Variants in GPC5 observed in about 807,000 individuals in gnomAD.
GPC5 encodes glypican-5.
A neutral mutation model predicts 53.9 loss-of-function variants in GPC5; 47 were observed. The ratio of observed to expected loss-of-function variants is 0.87; its 90% CI spans 0.69 to 1.11. The LOEUF (loss-of-function observed/expected upper bound fraction) is 1.11, where lower values mean the gene tolerates loss of function less well. GPC5 is among the 50% of genes most tolerant of loss of function. The probability of loss-of-function intolerance (pLI) is 0.00; values close to 1 mark genes in which losing one functional copy is unlikely to be tolerated. For missense variants in GPC5, 748 were observed against 713.1 expected (o/e 1.05, Z -0.56); for synonymous variants, 286 against 263.3 (o/e 1.09, Z -0.84).
intron 7 of GPC5, among the ~76,000 whole-genome samples, chr13:92,434,724 A>G (rs942827581): frequency 1.3e-5 from 2 of 152,192 alleles, no homozygotes; most frequent in African/African-American, 4.8e-5. Flanking sequence ...CCCCTTATTA[A>G]GAAATGATAA....
intron 5 of GPC5, among the ~76,000 whole-genome samples, chr13:91,776,647 T>G (rs886677780): frequency 2.7e-4 from 41 of 152,204 alleles, no homozygotes; most frequent in African/African-American, 9.4e-4. Flanking sequence ...AGAGCTCATA[T>G]TATTTCCATT....
intron 7 of GPC5, among the ~76,000 whole-genome samples, chr13:92,400,463 G>A (rs1730074839): frequency 6.6e-6 from 1 of 151,962 alleles, no homozygotes; most frequent in African/African-American, 2.4e-5. Flanking sequence ...CACTAATCAG[G>A]GCATCCTATG....
chr13:92,377,766 C>T (rs2043706977), intron 7 of GPC5, among the ~76,000 whole-genome samples: 2 of 152,016 alleles, frequency 1.3e-5, no homozygotes, highest in East Asian at 3.9e-4. Context: ...TCTTGATGAT[C>T]AAAGAAAACA....
At chr13:92,089,754 G>C (rs2041364588) in intron 6 of GPC5, among the ~76,000 whole-genome samples, 1 of 152,070 alleles carries the variant, frequency 6.6e-6, no homozygotes, top group African/African-American at 2.4e-5. Flanking sequence ...ACAATGAAAA[G>C]AATATTGCCT....
At chr13:92,291,232 C>A (rs191094430) in intron 7 of GPC5, among the ~76,000 whole-genome samples, 1 of 152,150 alleles carries the variant, frequency 6.6e-6, no homozygotes, top group Non-Finnish European at 1.5e-5. Context: ...GGAGTGCGGG[C>A]GCATGGCACG....
chr13:92,431,390 C>CT (rs3064652), intron 7 of GPC5, among the ~76,000 whole-genome samples: 48,458 of 137,188 alleles, frequency 0.35, 8,701 homozygotes, highest in African/African-American at 0.38. Flanking sequence ...AAAGACACAG[C>CT]TTTTTTTTTT....
chr13:92,453,516 A>G (rs1183218546), intron 7 of GPC5, among the ~76,000 whole-genome samples: 1 of 152,194 alleles, frequency 6.6e-6, no homozygotes, highest in Non-Finnish European at 1.5e-5. Context: ...AATTGAACAG[A>G]GAGAAAGTGA....
chr13:91,571,825 ATATACACATATACTTGTGTG>A (rs1566515534), intron 2 of GPC5, among the ~76,000 whole-genome samples: 2 of 81,084 alleles, frequency 2.5e-5, no homozygotes, highest in African/African-American at 1.6e-4. Context: ...GTGTGTGTAT[ATATACACATATACTTGTGTG>A]TATATACACA....
chr13:92,511,102 G>A (rs547675585), intron 7 of GPC5, among the ~76,000 whole-genome samples: 1 of 152,098 alleles, frequency 6.6e-6, no homozygotes, highest in Admixed American at 6.5e-5. Context: ...AAAGGTTAGG[G>A]TTTTCTTTGG....
chr13:91,981,292 CTTTT>C (rs77671844), intron 6 of GPC5, among the ~76,000 whole-genome samples: 2 of 142,362 alleles, frequency 1.4e-5, no homozygotes, highest in Admixed American at 7.0e-5. Context: ...GAGTTCTTAC[CTTTT>C]TTTTTTTTTT....
intron 2 of GPC5, among the ~76,000 whole-genome samples, chr13:91,491,615 A>C (rs1883946305): frequency 6.6e-6 from 1 of 152,166 alleles, no homozygotes; most frequent in Non-Finnish European, 1.5e-5. Flanking sequence ...CCAGAAGTCC[A>C]AAATCCAGAA....
intron 7 of GPC5, among the ~76,000 whole-genome samples, chr13:92,314,945 T>G (rs1032199958): frequency 3.3e-5 from 5 of 152,074 alleles, no homozygotes; most frequent in African/African-American, 1.2e-4. Context: ...AGCTAATTTT[T>G]TAATGCTTTT....
intron 5 of GPC5, among the ~76,000 whole-genome samples, chr13:91,779,410 G>C (rs1050853849): frequency 6.6e-6 from 1 of 151,840 alleles, no homozygotes; most frequent in Admixed American, 6.6e-5. Context: ...GCCCAGGCTG[G>C]AGTGCAGTGG....
intron 6 of GPC5, among the ~76,000 whole-genome samples, chr13:92,075,172 G>A (rs1039943389): frequency 1.2e-4 from 18 of 152,242 alleles, no homozygotes; most frequent in African/African-American, 4.3e-4. Context: ...ATTAGTACAT[G>A]TTAACTTTAA....
At chr13:92,711,757 C>T (rs915224516) in intron 7 of GPC5, among the ~76,000 whole-genome samples, 1 of 151,862 alleles carries the variant, frequency 6.6e-6, no homozygotes, top group African/African-American at 2.4e-5. Flanking sequence ...ACAATGGCAT[C>T]AAATTAGAAA....
chr13:92,200,166 C>T (rs1290470546), intron 7 of GPC5, among the ~76,000 whole-genome samples: 1 of 142,636 alleles, frequency 7.0e-6, no homozygotes, highest in Non-Finnish European at 1.5e-5. Flanking sequence ...TTATATTTCC[C>T]TTTTTCCAAG....
chr13:92,229,972 G>A (rs189363977), intron 7 of GPC5, among the ~76,000 whole-genome samples: 4 of 151,972 alleles, frequency 2.6e-5, no homozygotes, highest in Admixed American at 2.0e-4. Context: ...CTAATTATTA[G>A]CTTTTGATAT....
At chr13:92,320,060 G>A (rs573228568) in intron 7 of GPC5, among the ~76,000 whole-genome samples, 16 of 152,082 alleles carry the variant, frequency 1.1e-4, no homozygotes, top group South Asian at 1.0e-3. Flanking sequence ...AGTAATTAAT[G>A]TACCTATTTT....
intron 7 of GPC5, among the ~76,000 whole-genome samples, chr13:92,379,120 G>A (rs576138434): frequency 2.0e-5 from 3 of 152,170 alleles, no homozygotes; most frequent in African/African-American, 4.8e-5. Context: ...TATTAATTTG[G>A]TGGGGCTCAG....
Sources: gnomAD v4.1 joint callset for allele counts (sites outside exome capture counted in the v4.1 genomes callset) on GRCh38, gnomAD v4.1.1 for gene constraint, MANE v1.5 for transcripts, NCBI Gene and HGNC (gene_info 2026-07-23, HGNC 2026-07-21) for gene names.